ATRNL1: variants seen among roughly 807,000 people sequenced by gnomAD.
The protein encoded by ATRNL1 is attractin like 1.
ATRNL1 carries 95 observed loss-of-function variants against 182.7 expected under a neutral mutation model. The observed-to-expected ratio is 0.52, with a 90% CI of 0.44 to 0.62. The LOEUF is 0.62. Among genes scored for constraint, ATRNL1 ranks in the 20% least tolerant of loss-of-function variants. The pLI is 0.00. For missense variants in ATRNL1, 1,471 were observed against 1,679.5 expected (o/e 0.88, Z 2.17); for synonymous variants, 576 against 568.3 (o/e 1.01, Z -0.19).
intron 19 of ATRNL1, among the ~76,000 whole-genome samples, chr10:115,340,207 G>A (rs1428823628): frequency 2.6e-5 from 4 of 152,070 alleles, no homozygotes; most frequent in East Asian, 1.9e-4. Context: ...GCAGTGGCAC[G>A]ATCTCAGCTC....
At chr10:115,184,502 G>T (rs1286730660) in intron 8 of ATRNL1, among the ~76,000 whole-genome samples, 3 of 151,496 alleles carry the variant, frequency 2.0e-5, no homozygotes, top group Non-Finnish European at 4.4e-5. Context: ...TGTAAGGGAA[G>T]TAAAATATAG....
chr10:115,876,011 A>C (rs953413549), intron 28 of ATRNL1, among the ~76,000 whole-genome samples: 5 of 152,196 alleles, frequency 3.3e-5, no homozygotes, highest in Non-Finnish European at 7.4e-5. Flanking sequence ...AAATACTGGG[A>C]ATCTTGAAGT....
chr10:115,337,123 A>C (rs1326439485), intron 19 of ATRNL1, among the ~76,000 whole-genome samples: 1 of 151,662 alleles, frequency 6.6e-6, no homozygotes, highest in Non-Finnish European at 1.5e-5. Context: ...AGCCTCCCAA[A>C]GTGCTGTGGT....
chr10:115,260,992 C>T (rs570277520), intron 10 of ATRNL1, among the ~76,000 whole-genome samples: 1 of 151,840 alleles, frequency 6.6e-6, no homozygotes, highest in East Asian at 1.9e-4. Flanking sequence ...TTGAAGTACA[C>T]AAATTTTAAG....
rs181426632 is a variant in ATRNL1, at chr10:115,471,533, C to T, written c.3654+2204C>T. Among the ~76,000 whole-genome samples the T allele has an allele frequency of 1.6e-3, 239 of 151,098 alleles. 1 individual carries two copies. Among genetic ancestry groups the T allele is most frequent in the Middle Eastern group, 3.4e-3 (1 of 294 alleles). On this transcript the variant is annotated intron_variant, in intron 24 of 28. Transcript: ENST00000355044. ...TATCTTTTGTATTTTTGATAATGGCCATCATAACAGCTATGAGGTGATATC... is the reference window on the plus strand; with the variant it reads ...TATCTTTTGTATTTTTGATAATGGCTATCATAACAGCTATGAGGTGATATC...
chr10:115,100,826 G>A (rs1223301528), intron 1 of ATRNL1, among the ~76,000 whole-genome samples: 1 of 152,032 alleles, frequency 6.6e-6, no homozygotes, highest in Non-Finnish European at 1.5e-5. Context: ...TCAATTTTGG[G>A]GAAAATGAAT....
At chr10:115,516,867 C>T (rs1260691031) in intron 24 of ATRNL1, among the ~76,000 whole-genome samples, 1 of 151,958 alleles carries the variant, frequency 6.6e-6, no homozygotes, top group Non-Finnish European at 1.5e-5. Flanking sequence ...ACCACCGGAT[C>T]CAAATTAGCC....
chr10:115,176,154 G>GTTGT (rs374001400), intron 8 of ATRNL1, among the ~76,000 whole-genome samples: 3,761 of 151,958 alleles, frequency 0.025, 153 homozygotes, highest in African/African-American at 0.086. Context: ...TTTTGATGGG[G>GTTGT]TTGTTTTTTT....
At chr10:115,501,657 G>T (rs2133635290) in intron 24 of ATRNL1, among the ~76,000 whole-genome samples, 1 of 152,250 alleles carries the variant, frequency 6.6e-6, no homozygotes, top group South Asian at 2.1e-4. Flanking sequence ...CAGGTAGAGA[G>T]AAACAAATGT....
intron 25 of ATRNL1, among the ~76,000 whole-genome samples, chr10:115,528,282 A>G (rs1286237670): frequency 6.6e-6 from 1 of 151,860 alleles, no homozygotes; most frequent in Non-Finnish European, 1.5e-5. Flanking sequence ...GGTATATTTG[A>G]TTACTGATTC....
In ATRNL1 at chr10:115,672,626, T is replaced by C. The variant is rs532060036; in HGVS notation, c.3796-54622T>C. Among the ~76,000 whole-genome samples the C allele has an allele frequency of 9.2e-5, 14 of 152,236 alleles. No homozygotes were observed. The South Asian group carries it at 2.7e-3, about 29-fold the overall frequency. On this transcript the variant is annotated intron_variant, in intron 26 of 28. Transcript: ENST00000355044. ...AGAATATAGGCTTCTTAGATTTCGA[T>C]TTTCAAAGTAATAACTTTTCTTATT...
chr10:115,329,951 T>C (rs77003976), intron 18 of ATRNL1, among the ~76,000 whole-genome samples: 1,960 of 152,282 alleles, frequency 0.013, 36 homozygotes, highest in African/African-American at 0.044. Flanking sequence ...AGAACATTTC[T>C]TTCTTTCTTC....
At chr10:115,707,499 CT>C (rs1443582939) in intron 26 of ATRNL1, among the ~76,000 whole-genome samples, 57 of 151,802 alleles carry the variant, frequency 3.8e-4, no homozygotes, top group Middle Eastern at 3.4e-3. Context: ...TGGCCCTCCC[CT>C]ATTCCATCTC....
At chr10:115,865,669 G>C (rs1951424248) in intron 28 of ATRNL1, among the ~76,000 whole-genome samples, 1 of 151,988 alleles carries the variant, frequency 6.6e-6, no homozygotes, top group African/African-American at 2.4e-5. Context: ...TTCTTTACTT[G>C]CCCCACATTT....
At chr10:115,846,744 T>C (rs188621052) in intron 27 of ATRNL1, among the ~76,000 whole-genome samples, 2 of 152,108 alleles carry the variant, frequency 1.3e-5, no homozygotes, top group Non-Finnish European at 2.9e-5. Flanking sequence ...TATGTGTACA[T>C]GTGTGGAGGT....
Position 115,157,286 on chromosome 10 carries a change from A to G in ATRNL1, c.830-2754A>G, listed in dbSNP as rs138483803. 4.1e-3 allele frequency among the ~76,000 whole-genome samples: 623 copies of G among 151,616 alleles called. 2 individuals carry two copies. Among genetic ancestry groups the G allele is most frequent in the African/African-American group, 0.013 (541 of 41,392 alleles). ...GATGTCCTTAAGTGTAGATATTAGT[A>G]TTAGCTGTTTAATGGGTGGGGAAGT... On this transcript the variant is annotated intron_variant, in intron 5 of 28. Coordinates refer to ENST00000355044, the MANE Select transcript of ATRNL1 (RefSeq NM_207303.4).
At chr10:115,895,173 A>G (rs1321140783) in intron 28 of ATRNL1, among the ~76,000 whole-genome samples, 1 of 152,218 alleles carries the variant, frequency 6.6e-6, no homozygotes, top group Non-Finnish European at 1.5e-5. Context: ...ATAAAATAAA[A>G]AGAGCATTTT....
In ATRNL1 at chr10:115,621,772, T is replaced by C. The variant is rs1555023010; in HGVS notation, c.3795+72236T>C. On this transcript the variant is annotated intron_variant, in intron 26 of 28. Transcript: ENST00000355044. Reference sequence around the variant, plus strand: ...ATCTTTCAGAGCAAAGAAAATCATTTTCCCTGCTGTATGAAATTTAAAGTG... The same window carrying C: ...ATCTTTCAGAGCAAAGAAAATCATTCTCCCTGCTGTATGAAATTTAAAGTG... Among the ~76,000 whole-genome samples, 6 of 152,236 alleles carry C rather than the reference T, an allele frequency of 3.9e-5. 1 individual carries two copies. In the South Asian group the frequency reaches 8.3e-4, roughly 21 times the overall value.
At chr10:115,790,914 T>TA (rs2134210928) in intron 27 of ATRNL1, among the ~76,000 whole-genome samples, 1 of 152,340 alleles carries the variant, frequency 6.6e-6, no homozygotes, top group South Asian at 2.1e-4. Flanking sequence ...CATTTTCTCT[T>TA]ACTCTGCCAT....
Sources: allele counts gnomAD v4.1 joint callset (sites outside exome capture counted in the v4.1 genomes callset), GRCh38; gene constraint gnomAD v4.1.1; transcripts MANE v1.5; gene names NCBI Gene and HGNC (gene_info 2026-07-23, HGNC 2026-07-21).